The following GPHN variants were observed in gnomAD, a reference collection of about 807,000 sequenced individuals.
The protein encoded by GPHN is gephyrin.
A neutral mutation model predicts 95.5 loss-of-function variants in GPHN; 17 were observed. That is an observed-to-expected ratio of 0.18 (90% CI 0.12 to 0.27). The LOEUF (loss-of-function observed/expected upper bound fraction) is 0.27, where lower values mean the gene tolerates loss of function less well. Ranked by LOEUF, GPHN falls within the 10% of genes least tolerant of loss-of-function variation. The pLI is 1.00. For synonymous variants in GPHN, 320 were observed against 322.5 expected (o/e 0.99, Z 0.08); for missense variants, 660 against 978.1 (o/e 0.67, Z 4.34).
At chr14:66,822,895 A>G (rs1258296639) in intron 3 of GPHN, among the ~76,000 whole-genome samples, 3 of 152,208 alleles carry the variant, frequency 2.0e-5, no homozygotes, top group Non-Finnish European at 4.4e-5. Context: ...GAAGTACTTA[A>G]AGGAATGTTA....
At chr14:66,950,123 A>C (rs2068013105) in intron 8 of GPHN, among the ~76,000 whole-genome samples, 1 of 152,156 alleles carries the variant, frequency 6.6e-6, no homozygotes, top group Non-Finnish European at 1.5e-5. Context: ...AGTCAAAATT[A>C]CATTGCATAT....
At chr14:66,995,866 C>T (rs749604396) in intron 9 of GPHN, among the ~76,000 whole-genome samples, 1 of 152,112 alleles carries the variant, frequency 6.6e-6, no homozygotes, top group Non-Finnish European at 1.5e-5. Flanking sequence ...AGTGCAGTAC[C>T]GTAAGAAAAA....
In GPHN at chr14:67,057,020, C is replaced by T. The variant is rs571012395; in HGVS notation, c.1007-1629C>T. 1.2e-4 allele frequency among the ~76,000 whole-genome samples: 18 copies of T among 152,284 alleles called. No homozygotes were observed. In the South Asian group the frequency reaches 3.1e-3, roughly 26 times the overall value. ...CGCCCACCCAGAACTCGTGCTGGCC[C>T]GCAAGTGCCACCCACAGCCCCAGTT... On this transcript the variant is annotated intron_variant, in intron 10 of 22. Transcript: ENST00000478722.
At chr14:67,641,241 C>A in the GPHN span, among the ~76,000 whole-genome samples, 1 of 152,076 alleles carries the variant, frequency 6.6e-6, no homozygotes, top group African/African-American at 2.4e-5. Flanking sequence ...GTATGAAACA[C>A]AAGTTTTGTG....
intron 1 of GPHN, among the ~76,000 whole-genome samples, chr14:66,610,421 A>C (rs1019067518): frequency 2.0e-5 from 3 of 151,834 alleles, no homozygotes; most frequent in African/African-American, 7.3e-5. Context: ...CTCAGTGTCT[A>C]TGTTGCCTTT....
chr14:66,972,983 C>G (rs189846339), intron 9 of GPHN, among the ~76,000 whole-genome samples: 89 of 152,256 alleles, frequency 5.8e-4, no homozygotes, highest in African/African-American at 2.1e-3. Context: ...AGTACTATTA[C>G]TAAAATAATT....
chr14:67,342,222 AT>A, the GPHN span, among the ~76,000 whole-genome samples: 33,210 of 144,772 alleles, frequency 0.23, 5,574 homozygotes, highest in East Asian at 0.46. Context: ...ATAAAATAAA[AT>A]AAAAAAAAAC....
At chr14:66,530,862 G>C (rs894362896) in intron 1 of GPHN, among the ~76,000 whole-genome samples, 1 of 151,844 alleles carries the variant, frequency 6.6e-6, no homozygotes, top group Non-Finnish European at 1.5e-5. Flanking sequence ...TGCCTTCTGC[G>C]TTGATCTCGC....
intron 13 of GPHN, among the ~76,000 whole-genome samples, chr14:67,109,558 A>AT (rs1285083628): frequency 6.6e-6 from 1 of 152,236 alleles, no homozygotes; most frequent in East Asian, 1.9e-4. Context: ...CACTGGAATC[A>AT]TTTTTAAATG....
chr14:67,055,360 A>G (rs1304543558), intron 10 of GPHN, among the ~76,000 whole-genome samples: 2 of 152,222 alleles, frequency 1.3e-5, no homozygotes, highest in African/African-American at 4.8e-5. Context: ...CAAAAACACA[A>G]TGAGATACCA....
At position 66,557,233 on chromosome 14, in the gene GPHN, GTAGGTAGATAGATAGATAGATAGATAGA is replaced by G. The variant is rs2060038350; in HGVS notation, c.64+48646_64+48673del. ...AATAGATAGATAGATAGATACATAG[GTAGGTAGATAGATAGATAGATAGATAGA>G]TAGATAGATAGATAGATAGATAGAA... is the stretch of plus-strand genomic sequence containing the variant. On this transcript the variant is annotated intron_variant, in intron 1 of 22. Coordinates refer to ENST00000478722, the MANE Select transcript of GPHN (RefSeq NM_020806.5). Among the ~76,000 whole-genome samples, 14 of 135,394 alleles carry G rather than the reference GTAGGTAGATAGATAGATAGATAGATAGA, an allele frequency of 1.0e-4. No homozygotes were observed. The South Asian group carries it at 3.3e-3, about 32-fold the overall frequency. 88.8% of individuals were successfully genotyped at this position (135,394 alleles called of 152,430 possible).
the GPHN span, among the ~76,000 whole-genome samples, chr14:67,249,223 A>C: frequency 6.6e-6 from 1 of 152,156 alleles, no homozygotes; most frequent in Non-Finnish European, 1.5e-5. Flanking sequence ...CGGCCTCCCA[A>C]AGTGCTGGGA....
the GPHN span, among the ~76,000 whole-genome samples, chr14:67,529,010 G>A: frequency 6.6e-6 from 1 of 151,918 alleles, no homozygotes; most frequent in Admixed American, 6.6e-5. Context: ...GCTCCTCCTG[G>A]GTACTTTCCA....
At chr14:67,631,190 G>C in the GPHN span, among the ~76,000 whole-genome samples, 87 of 152,094 alleles carry the variant, frequency 5.7e-4, no homozygotes, top group Non-Finnish European at 1.0e-3. Flanking sequence ...TTTTTCTTCA[G>C]AGCCAACTTC....
the GPHN span, among the ~76,000 whole-genome samples, chr14:67,533,933 G>A: frequency 2.9e-4 from 44 of 152,194 alleles, no homozygotes; most frequent in Admixed American, 2.1e-3. Flanking sequence ...AGGAACCAGG[G>A]GCCTTAGTGG....
chr14:66,598,342 C>G (rs567100986), intron 1 of GPHN, among the ~76,000 whole-genome samples: 1 of 152,088 alleles, frequency 6.6e-6, no homozygotes, highest in Non-Finnish European at 1.5e-5. Flanking sequence ...TTTAGCCATT[C>G]TACAGGTATC....
the GPHN span, among the ~76,000 whole-genome samples, chr14:67,226,402 C>G: frequency 9.2e-5 from 14 of 152,082 alleles, no homozygotes; most frequent in Non-Finnish European, 2.1e-4. Flanking sequence ...CGCTCTGTCA[C>G]CAGGCTGGAG....
chr14:67,620,840 G>T, the GPHN span: 1 of 1,596,962 alleles, frequency 6.3e-7, no homozygotes, highest in Admixed American at 1.7e-5. Flanking sequence ...TACCAAATGG[G>T]TTTTTTTCCG....
intron 8 of GPHN, among the ~76,000 whole-genome samples, chr14:66,938,785 T>C (rs1029616267): frequency 3.3e-5 from 5 of 152,242 alleles, no homozygotes; most frequent in African/African-American, 7.2e-5. Context: ...CAGACTATTG[T>C]TAATTGTAAC....
Sources: gnomAD v4.1 joint callset for allele counts (sites outside exome capture counted in the v4.1 genomes callset) on GRCh38, gnomAD v4.1.1 for gene constraint, MANE v1.5 for transcripts, NCBI Gene and HGNC (gene_info 2026-07-23, HGNC 2026-07-21) for gene names.